Variants in RPS6KA2 observed in about 807,000 individuals in gnomAD.
RPS6KA2 encodes the protein ribosomal protein S6 kinase A2.
A neutral mutation model predicts 91.8 loss-of-function variants in RPS6KA2; 42 were observed. The observed-to-expected ratio is 0.46, with a 90% confidence interval of 0.36 to 0.59. The LOEUF (loss-of-function observed/expected upper bound fraction) is 0.59. RPS6KA2 is among the 20% of genes least tolerant of loss of function. The pLI is 0.00. For missense variants in RPS6KA2, 798 were observed against 978.5 expected (o/e 0.82, Z 2.46); for synonymous variants, 414 against 393.6 (o/e 1.05, Z -0.61).
chr6:166,472,799 C>T (rs147248158), intron 10 of RPS6KA2, among the ~76,000 whole-genome samples: 16 of 152,256 alleles, frequency 1.1e-4, no homozygotes, highest in African/African-American at 2.9e-4. Context: ...GCGGATGACA[C>T]GCACTGAAGG....
chr6:166,438,545 T>C (rs181049250), intron 14 of RPS6KA2, among the ~76,000 whole-genome samples: 2 of 152,376 alleles, frequency 1.3e-5, no homozygotes, highest in Non-Finnish European at 2.9e-5. Flanking sequence ...AAAAATTTGC[T>C]ACCGAAAAGG....
At chr6:166,475,825 G>A (rs1024214923) in intron 10 of RPS6KA2, 1 of 524,452 alleles carries the variant, frequency 1.9e-6, no homozygotes, top group Non-Finnish European at 3.9e-6. Context: ...CGGGGGCAGA[G>A]GGCCGTTTTC....
At chr6:166,470,071 C>T (rs1454281339) in intron 10 of RPS6KA2, among the ~76,000 whole-genome samples, 166 bp from the exon 11 acceptor site, 2 of 152,222 alleles carry the variant, frequency 1.3e-5, no homozygotes, top group African/African-American at 2.4e-5. Context: ...TGCCGATGCC[C>T]CCAGCTCAGA....
intron 4 of RPS6KA2, chr6:166,509,312 C>T (rs960340376): frequency 1.2e-5 from 2 of 169,952 alleles, no homozygotes; most frequent in Non-Finnish European, 2.9e-5. Context: ...CAGAAAAGCA[C>T]CCTAGCAAGT....
Position 166,493,487 on chromosome 6 carries a change from C to T in RPS6KA2, c.748-2746G>A, listed in dbSNP as rs144447870. Among the ~76,000 whole-genome samples the T allele has an allele frequency of 4.1e-4, 63 of 152,252 alleles. No homozygotes were observed. The highest frequency in any genetic ancestry group is 8.4e-4 in the Non-Finnish European group (57 of 68,024). On this transcript the variant is annotated intron_variant, in intron 8 of 20. Coordinates refer to ENST00000265678, the MANE Select transcript of RPS6KA2 (RefSeq NM_021135.6). This position sits in a 1 kb window ranked among gnomAD's most constrained non-coding sequence, Gnocchi z 4.7. Reference sequence around the variant, plus strand: ...TGAGCAGCACTGAGACTTGCCAAGGCTTCCGGGGTGAACTGAGAAAAGCCG... The same window carrying T: ...TGAGCAGCACTGAGACTTGCCAAGGTTTCCGGGGTGAACTGAGAAAAGCCG...
At position 166,445,380 on chromosome 6, in the gene RPS6KA2, T is replaced by TA. The variant is rs1779645631; in HGVS notation, c.1332+3343_1332+3344insT. On this transcript the variant is annotated intron_variant, in intron 14 of 20. Transcript: ENST00000265678. This position sits in a 1 kb window ranked among gnomAD's most constrained non-coding sequence, Gnocchi z 4.5. ...ATCAACCTCCTGGCCTTTATCTACA[T>TA]GAGACCTGCTCTCACCCACAAGGAT... 6.6e-6 allele frequency among the ~76,000 whole-genome samples: 1 copy of TA among 152,202 alleles called. No individual in the cohort carries two copies. Among genetic ancestry groups the TA allele is most frequent in the African/African-American group, 2.4e-5 (1 of 41,452 alleles).
In RPS6KA2 at chr6:166,737,187, T is replaced by C. The variant is rs1161567517; in HGVS notation, c.123+121013A>G. Among the ~76,000 whole-genome samples, 1 of 152,236 alleles carries C rather than the reference T, an allele frequency of 6.6e-6. No homozygotes were observed. The highest frequency in any genetic ancestry group is 1.5e-5 in the Non-Finnish European group (1 of 68,046). On this transcript the variant is annotated intron_variant, in intron 2 of 21. Coordinates refer to the RPS6KA2 transcript ENST00000503859. The surrounding 1 kb of genome is among the most constrained non-coding windows in gnomAD (Gnocchi z 4.3). ...CAATTTTTAAGACATTCCTCATCAG[T>C]TGCCAAATATTGATTATTCTCTGTT...
At chr6:166,577,124 A>G (rs1784857821) in intron 1 of RPS6KA2, among the ~76,000 whole-genome samples, 1 of 152,220 alleles carries the variant, frequency 6.6e-6, no homozygotes, top group South Asian at 2.1e-4. Flanking sequence ...TTCTGAAACC[A>G]CCTAGATTGC....
chr6:166,506,582 C>T (rs1422027571), intron 5 of RPS6KA2, among the ~76,000 whole-genome samples: 1 of 150,336 alleles, frequency 6.7e-6, no homozygotes, highest in African/African-American at 2.5e-5. Flanking sequence ...ATCAGGTTCT[C>T]CCGGCCCACT....
rs943510869 is a variant in RPS6KA2 at position 166,635,642 on chromosome 6, G to A, written c.124-96858C>T. Among the ~76,000 whole-genome samples the A allele has an allele frequency of 4.6e-5, 7 of 152,178 alleles. No individual in the cohort carries two copies. The highest frequency in any genetic ancestry group is 2.6e-4 in the Admixed American group (4 of 15,288). Reference sequence around the variant, plus strand: ...GAGGGGTGCTAGGTCACATGGTAGAGAGCCCCATGGAGTTTACCCCAGAAG... The same window carrying A: ...GAGGGGTGCTAGGTCACATGGTAGAAAGCCCCATGGAGTTTACCCCAGAAG... On this transcript the variant is annotated intron_variant, in intron 2 of 21. Transcript: ENST00000503859. This position sits in a 1 kb window ranked among gnomAD's most constrained non-coding sequence, Gnocchi z 4.8.
intron 2 of RPS6KA2, among the ~76,000 whole-genome samples, chr6:166,658,856 C>T (rs904503561): frequency 2.0e-5 from 3 of 152,216 alleles, no homozygotes; most frequent in Non-Finnish European, 2.9e-5. Context: ...CTCTGGAACT[C>T]GCCCCTGCTC....
chr6:166,601,684 AT>A (rs1248696596), intron 1 of RPS6KA2, among the ~76,000 whole-genome samples: 2 of 152,248 alleles, frequency 1.3e-5, no homozygotes, highest in Non-Finnish European at 2.9e-5. Flanking sequence ...CACTAAAAAA[AT>A]TGGTTATCTT....
chr6:166,453,643 G>A (rs767056918), intron 12 of RPS6KA2, among the ~76,000 whole-genome samples: 16 of 152,272 alleles, frequency 1.1e-4, no homozygotes, highest in African/African-American at 1.9e-4. Context: ...AAAACAGTAC[G>A]GAAATTTCTC....
intron 2 of RPS6KA2, among the ~76,000 whole-genome samples, chr6:166,855,628 C>T (rs1023719467): frequency 6.6e-6 from 1 of 152,124 alleles, no homozygotes; most frequent in East Asian, 1.9e-4. Context: ...AGAAGGATGT[C>T]GAAAGCCTGT....
intron 6 of RPS6KA2, among the ~76,000 whole-genome samples, chr6:166,501,660 G>A (rs187285185): frequency 4.7e-4 from 72 of 152,342 alleles, no homozygotes; most frequent in African/African-American, 1.7e-3. Context: ...CTGGGTGCAG[G>A]CATAAATCCC....
At chr6:166,456,102 T>C (rs1780095524) in intron 12 of RPS6KA2, among the ~76,000 whole-genome samples, 1 of 152,232 alleles carries the variant, frequency 6.6e-6, no homozygotes, top group Non-Finnish European at 1.5e-5. Flanking sequence ...AAGCAATGTC[T>C]TCTAACCAAC....
rs1781987144 is a variant in RPS6KA2 at position 166,500,475 on chromosome 6, GC to G, written c.604+411del. Among the ~76,000 whole-genome samples, 1 of 152,158 alleles carries G rather than the reference GC, an allele frequency of 6.6e-6. No homozygotes were observed. Among genetic ancestry groups the G allele is most frequent in the African/African-American group, 2.4e-5 (1 of 41,418 alleles). The stretch of plus-strand genomic sequence containing the variant: ...AGCATCAGTGAGGGCAGCAGTGCAG[GC>G]CGCACTCCAGCGAGACTCCAGATGT... On this transcript the variant is annotated intron_variant, in intron 7 of 20. Transcript: ENST00000265678. The surrounding 1 kb of genome is among the most constrained non-coding windows in gnomAD (Gnocchi z 4.3).
At chr6:166,518,601 A>G (rs1782742039) in intron 3 of RPS6KA2, among the ~76,000 whole-genome samples, 1 of 152,216 alleles carries the variant, frequency 6.6e-6, no homozygotes, top group Non-Finnish European at 1.5e-5. Flanking sequence ...AGACGTTTTT[A>G]TAAGAATGTT....
At chr6:166,416,375 C>G (rs1274683521) in intron 19 of RPS6KA2, among the ~76,000 whole-genome samples, 2 of 151,624 alleles carry the variant, frequency 1.3e-5, no homozygotes, top group East Asian at 3.9e-4. Context: ...CCTCCACTAT[C>G]ATCTCTGCCA....
Sources: gnomAD v4.1 joint callset for allele counts (sites outside exome capture counted in the v4.1 genomes callset) on GRCh38, gnomAD v4.1.1 for gene constraint, Gnocchi (gnomAD v3.1) non-coding constraint, MANE v1.5 for transcripts, NCBI Gene and HGNC (gene_info 2026-07-23, HGNC 2026-07-21) for gene names.